KRT23: variants seen among roughly 807,000 people sequenced by gnomAD.
KRT23 encodes the protein keratin 23, also known as keratin, type I cytoskeletal 23.
KRT23 carries 38 observed loss-of-function variants against 47.6 expected under a neutral mutation model. That is an observed-to-expected ratio of 0.80 (90% CI 0.62 to 1.05). The LOEUF (loss-of-function observed/expected upper bound fraction) is 1.05. KRT23 is among the 50% of genes least tolerant of loss of function. The pLI, the probability that KRT23 is intolerant of heterozygous loss-of-function variation, is 0.00. For missense variants in KRT23, 503 were observed against 529.5 expected, an observed-to-expected ratio of 0.95 and a Z score of 0.49; for synonymous variants, 191 against 199.0, an observed-to-expected ratio of 0.96 and a Z score of 0.34.
At chr17:40,926,840 C>T (rs1909254814) in intron 6 of KRT23, among the ~76,000 whole-genome samples, 1 of 152,156 alleles carries the variant, frequency 6.6e-6, no homozygotes, top group African/African-American at 2.4e-5. Flanking sequence ...CCTACACTGT[C>T]TGGTTCTGTT....
intron 6 of KRT23, among the ~76,000 whole-genome samples, chr17:40,926,046 C>T (rs1179597581): frequency 6.6e-6 from 1 of 151,830 alleles, no homozygotes; most frequent in Admixed American, 6.6e-5. Context: ...TTTGAAATTC[C>T]AACTAAACTG....
At position 40,936,408 on chromosome 17, in the gene KRT23, G is replaced by T; in HGVS notation, c.196C>A (p.Pro66Thr). The change falls in exon 2 of 9, where the codon CCC (proline) becomes ACC (threonine). Residue 66 changes from proline (P) to threonine (T), a missense_variant. Transcript: ENST00000209718. Reference sequence around the variant, plus strand: ...GCCTTCCCATTTCCGCCTAGTAGGGGGCTGCTTCTTCCAGAACCCCAAGAC... The same window carrying T: ...GCCTTCCCATTTCCGCCTAGTAGGGTGCTGCTTCTTCCAGAACCCCAAGAC... Reference protein sequence around the residue: ...GGSWGSGRSSPLLGGNGKATM... With the variant: ...GGSWGSGRSSTLLGGNGKATM... 1.2e-6 allele frequency: 2 copies of T among 1,614,016 alleles called. No individual in the cohort carries two copies. The highest frequency in any genetic ancestry group is 1.1e-5 in the South Asian group (1 of 91,074).
intron 8 of KRT23, among the ~76,000 whole-genome samples, chr17:40,923,913 G>C (rs753614045): frequency 6.6e-6 from 1 of 152,196 alleles, no homozygotes; most frequent in African/African-American, 2.4e-5. Context: ...CATGTTTCCA[G>C]GTCAAAGATG....
At chr17:40,930,409 T>G (rs1199400831) in intron 3 of KRT23, among the ~76,000 whole-genome samples, 1 of 152,202 alleles carries the variant, frequency 6.6e-6, no homozygotes, top group Non-Finnish European at 1.5e-5. Context: ...TAAAGCAGAT[T>G]ATAGATGTGA....
chr17:40,927,065 T>A (rs908233218), intron 6 of KRT23, among the ~76,000 whole-genome samples: 3 of 152,258 alleles, frequency 2.0e-5, no homozygotes, highest in Admixed American at 2.0e-4. Flanking sequence ...CCTCCTTACC[T>A]CTTTGCTCAC....
intron 2 of KRT23, among the ~76,000 whole-genome samples, chr17:40,934,417 C>A (rs762468617): frequency 6.6e-6 from 1 of 152,154 alleles, no homozygotes; most frequent in Non-Finnish European, 1.5e-5. Context: ...GCAGGTTGCT[C>A]CCCACACCCC....
At chr17:40,923,982 C>T (rs1270141116) in intron 8 of KRT23, among the ~76,000 whole-genome samples, 1 of 152,186 alleles carries the variant, frequency 6.6e-6, no homozygotes, top group East Asian at 1.9e-4. Flanking sequence ...CTTTCTTGTT[C>T]CTTTTCTCCT....
At chr17:40,932,995 G>A (rs531650645) in intron 2 of KRT23, among the ~76,000 whole-genome samples, 2 of 152,294 alleles carry the variant, frequency 1.3e-5, no homozygotes, top group South Asian at 2.1e-4. Flanking sequence ...AGAGTTATGA[G>A]AATTAGAAGA....
chr17:40,936,490 C>G lies in KRT23; in HGVS notation c.114G>C (p.Ala38=), dbSNP rs772553662. ...AGGACAGGGAGATGCGGGCTCCCCC[C>G]GCACCGCCATGGACGGTGGGAGCCC... The part of the protein sequence containing the change: ...FPRAPTVHGG[A]GGARISLSFT... The change falls in exon 2 of 9, where the codon GCG becomes GCC. Residue 38 remains alanine (A), a synonymous_variant. Coordinates refer to ENST00000209718, the MANE Select transcript of KRT23 (RefSeq NM_015515.5). The G allele has an allele frequency of 7.0e-6, 11 of 1,563,974 alleles. No homozygotes were observed. Among genetic ancestry groups the G allele is most frequent in the East Asian group, 4.5e-5 (2 of 44,484 alleles).
chr17:40,936,476 A>C lies in KRT23; in HGVS notation c.128T>G (p.Ile43Ser). ...TVHGGAGGAR[I>S]SLSFTTRSCP... is the part of the protein sequence containing the mutation. Reference sequence around the variant, plus strand: ...GCTCCGCGTGGTGAAGGACAGGGAGATGCGGGCTCCCCCCGCACCGCCATG... The same window carrying C: ...GCTCCGCGTGGTGAAGGACAGGGAGCTGCGGGCTCCCCCCGCACCGCCATG... The change falls in exon 2 of 9, where the codon ATC becomes AGC. Residue 43 changes from isoleucine (I) to serine (S), a missense_variant. By Grantham distance (142) the Ile-to-Ser change is moderately radical (BLOSUM62 -2). Coordinates refer to ENST00000209718, the MANE Select transcript of KRT23 (RefSeq NM_015515.5). 1 of 1,578,680 alleles carries C rather than the reference A, an allele frequency of 6.3e-7. No homozygotes were observed. Among genetic ancestry groups the C allele is most frequent in the African/African-American group, 1.4e-5 (1 of 73,950 alleles).
rs115392547 is a variant in KRT23 at position 40,927,322 on chromosome 17, C to T, written c.921+916G>A. 5.9e-3 allele frequency among the ~76,000 whole-genome samples: 904 copies of T among 152,274 alleles called. 5 individuals carry two copies. Among genetic ancestry groups the T allele is most frequent in the African/African-American group, 0.02 (827 of 41,552 alleles). Reference sequence around the variant, plus strand: ...TGCATGAAAATGGGTATACATGCCTCGCCTGTTTCACAGGGCCATTGTGAA... The same window carrying T: ...TGCATGAAAATGGGTATACATGCCTTGCCTGTTTCACAGGGCCATTGTGAA... On this transcript the variant is annotated intron_variant, in intron 6 of 8. Transcript: ENST00000209718.
rs568480234 is a variant in KRT23 at position 40,924,471 on chromosome 17, C to A, written c.1174+1G>T. Reference sequence around the variant, plus strand: ...TTCAAACAATGAAGGAAATTTTTTACCTTTCATGCTCGACTTTGATTCTTC... The same window carrying A: ...TTCAAACAATGAAGGAAATTTTTTAACTTTCATGCTCGACTTTGATTCTTC... On this transcript the variant is annotated splice_donor_variant, in intron 8 of 8. Coordinates refer to ENST00000209718, the MANE Select transcript of KRT23 (RefSeq NM_015515.5). LOFTEE classifies it high-confidence loss of function. The A allele has an allele frequency of 2.0e-5, 33 of 1,612,200 alleles. No individual in the cohort carries two copies. The highest frequency in any genetic ancestry group is 2.5e-5 in the Non-Finnish European group (30 of 1,178,566).
intron 8 of KRT23, among the ~76,000 whole-genome samples, chr17:40,923,666 A>T (rs1909061557): frequency 6.6e-6 from 1 of 152,254 alleles, no homozygotes; most frequent in Non-Finnish European, 1.5e-5. Flanking sequence ...GGACCATCCC[A>T]TCAAGTATGG....
At chr17:40,933,728 AG>A (rs1909855675) in intron 2 of KRT23, among the ~76,000 whole-genome samples, 1 of 152,252 alleles carries the variant, frequency 6.6e-6, no homozygotes, top group African/African-American at 2.4e-5. Context: ...AGGCTTACTT[AG>A]TACAGAATTA....
intron 6 of KRT23, 26 bp from the exon 7 acceptor site, chr17:40,925,600 A>G (rs755904395): frequency 6.5e-7 from 1 of 1,530,884 alleles, no homozygotes; most frequent in Non-Finnish European, 9.0e-7. Context: ...ATCTTCTGTT[A>G]ATTAACTGAT....
rs141604898 is a variant in KRT23 at position 40,936,262 on chromosome 17, G to A, written c.342C>T (p.Gly114=). Residue 114 remains glycine (G), a synonymous_variant, in exon 2 of 9, where the codon GGC becomes GGT. Coordinates refer to ENST00000209718, the MANE Select transcript of KRT23 (RefSeq NM_015515.5). ...ILKWHQQRDP[G]SKKDYSQYEE... Reference sequence around the variant, plus strand: ...CATACTGGGAATAATCTTTCTTACTGCCAGGATCTCTCTGCTGGTGCCATT... The same window carrying A: ...CATACTGGGAATAATCTTTCTTACTACCAGGATCTCTCTGCTGGTGCCATT... 6.2e-7 allele frequency: 1 copy of A among 1,614,174 alleles called. No individual in the cohort carries two copies. The highest frequency in any genetic ancestry group is 8.5e-7 in the Non-Finnish European group (1 of 1,180,034).
intron 6 of KRT23, among the ~76,000 whole-genome samples, 178 bp downstream of exon 6, chr17:40,928,060 C>T (rs887055105): frequency 3.9e-5 from 6 of 152,164 alleles, no homozygotes; most frequent in African/African-American, 1.2e-4. Context: ...CTGGCACCAT[C>T]GGGACACTCA....
At chr17:40,933,841 A>C (rs1909865431) in intron 2 of KRT23, among the ~76,000 whole-genome samples, 1 of 152,210 alleles carries the variant, frequency 6.6e-6, no homozygotes, top group African/African-American at 2.4e-5. Flanking sequence ...GAGTGTTGTA[A>C]TTAATCACCC....
chr17:40,928,174 A>T, intron 6 of KRT23, 64 bp downstream of exon 6: 5 of 1,603,460 alleles, frequency 3.1e-6, no homozygotes, highest in Non-Finnish European at 4.3e-6. Flanking sequence ...CCTGGGAGAG[A>T]GGTCTCAGAA....
Sources: gnomAD v4.1 joint callset for allele counts (sites outside exome capture counted in the v4.1 genomes callset) on GRCh38, gnomAD v4.1.1 for gene constraint, MANE v1.5 for transcripts, NCBI Gene and HGNC (gene_info 2026-07-23, HGNC 2026-07-21) for gene names.